The following SOX6 variants were observed in gnomAD, a reference collection of about 807,000 sequenced individuals.
SOX6 encodes transcription factor SOX-6.
In SOX6, 11 loss-of-function variants were observed where a neutral mutation model predicts 97.8. That is an observed-to-expected ratio of 0.11 (90% CI 0.07 to 0.19). The LOEUF (loss-of-function observed/expected upper bound fraction) is 0.19. SOX6 is among the 10% of genes least tolerant of loss of function. The pLI is 1.00. For missense variants in SOX6, 810 were observed against 1,039.5 expected (o/e 0.78, Z 3.04); for synonymous variants, 360 against 371.4 (o/e 0.97, Z 0.35).
chr11:15,976,729 G>A (rs186663023), intron 15 of SOX6, among the ~76,000 whole-genome samples: 1 of 152,224 alleles, frequency 6.6e-6, no homozygotes, highest in African/African-American at 2.4e-5. Context: ...TCTAAGAAAT[G>A]TTTAAAAAGA....
chr11:16,372,831 A>G (rs902172348), intron 1 of SOX6, among the ~76,000 whole-genome samples: 1 of 152,106 alleles, frequency 6.6e-6, no homozygotes, highest in African/African-American at 2.4e-5. Flanking sequence ...AGATCCTTAG[A>G]AAAAAAGTAA....
At chr11:16,405,729 T>G (rs1858671156) in intron 1 of SOX6, among the ~76,000 whole-genome samples, 1 of 152,014 alleles carries the variant, frequency 6.6e-6, no homozygotes, top group Non-Finnish European at 1.5e-5. Context: ...ATCCTATCCC[T>G]CTCCCCTCTG....
rs1163588778 is a variant in SOX6, at chr11:16,186,852, T to C, written c.639A>G (p.Lys213=). The change falls in exon 5 of 16, where the codon AAA becomes AAG. Residue 213 remains lysine (K), a synonymous_variant. Coordinates refer to ENST00000683767, the MANE Select transcript of SOX6 (RefSeq NM_001367873.1). ...TCTCAATTTGTGACGCTGCCAGTTT[T>C]TTCTGTTCATCATGCGCTGCCAGTA... ...EQLLAAHDEQ[K]KLAASQIEKQ... The C allele has an allele frequency of 2.5e-6, 4 of 1,613,826 alleles. No homozygotes were observed. The Admixed American group carries it at 5.0e-5, about 20-fold the overall frequency.
chr11:16,352,587 C>A (rs902446762), intron 1 of SOX6, among the ~76,000 whole-genome samples: 2 of 152,038 alleles, frequency 1.3e-5, no homozygotes, highest in African/African-American at 4.8e-5. Flanking sequence ...AATGCCAGGG[C>A]AGATGCTATT....
chr11:16,301,001 T>C (rs985561756), intron 3 of SOX6, among the ~76,000 whole-genome samples: 3 of 152,176 alleles, frequency 2.0e-5, no homozygotes, highest in African/African-American at 7.2e-5. Context: ...CCTTTTCTTT[T>C]TTCCCTCATC....
chr11:16,360,828 C>G (rs927495955), upstream of SOX6, among the ~76,000 whole-genome samples: 3 of 151,940 alleles, frequency 2.0e-5, no homozygotes, highest in African/African-American at 7.3e-5. Context: ...ATGGTGAAAC[C>G]CCGTCTCTAC....
At chr11:16,647,756 A>G (rs1438358225) in intron 3 of SOX6, among the ~76,000 whole-genome samples, 3 of 152,220 alleles carry the variant, frequency 2.0e-5, no homozygotes, top group African/African-American at 7.2e-5. Flanking sequence ...TTCAAATCAC[A>G]GGAGAAGGAC....
At chr11:16,440,856 C>T (rs1048006977) in intron 1 of SOX6, among the ~76,000 whole-genome samples, 2 of 152,112 alleles carry the variant, frequency 1.3e-5, no homozygotes, top group Admixed American at 6.5e-5. Flanking sequence ...TTTCCTGCTC[C>T]ATCCTGAAAA....
intron 4 of SOX6, among the ~76,000 whole-genome samples, chr11:16,211,729 T>A (rs1852239338): frequency 6.6e-6 from 1 of 152,130 alleles, no homozygotes; most frequent in African/African-American, 2.4e-5. Context: ...CTCCACAGTG[T>A]CTCACATTGG....
chr11:16,119,774 C>G (rs1849443166), intron 6 of SOX6, among the ~76,000 whole-genome samples: 1 of 152,136 alleles, frequency 6.6e-6, no homozygotes, highest in Non-Finnish European at 1.5e-5. Flanking sequence ...GAACTTAAAA[C>G]TGACTTTTAA....
intron 1 of SOX6, among the ~76,000 whole-genome samples, chr11:16,405,821 A>C (rs1023238433): frequency 6.6e-6 from 1 of 152,000 alleles, no homozygotes; most frequent in African/African-American, 2.4e-5. Context: ...ACTGATTTTT[A>C]CACCATGTTG....
chr11:16,564,292 T>C (rs1347109706), intron 4 of SOX6, among the ~76,000 whole-genome samples: 1 of 152,144 alleles, frequency 6.6e-6, no homozygotes, highest in Non-Finnish European at 1.5e-5. Context: ...TAAATGTATG[T>C]AGAGAAAACA....
intron 3 of SOX6, among the ~76,000 whole-genome samples, chr11:16,642,315 G>A (rs183535407): frequency 6.6e-6 from 1 of 151,362 alleles, no homozygotes; most frequent in African/African-American, 2.4e-5. Flanking sequence ...GGTAACCCAG[G>A]GTAACCCAGC....
chr11:16,644,430 C>G (rs1012526555), intron 3 of SOX6, among the ~76,000 whole-genome samples: 5 of 152,142 alleles, frequency 3.3e-5, no homozygotes, highest in African/African-American at 4.8e-5. Context: ...GTGAGACAAC[C>G]CTATTATAGC....
chr11:16,174,539 C>A (rs1466989824), intron 6 of SOX6, among the ~76,000 whole-genome samples: 1 of 151,826 alleles, frequency 6.6e-6, no homozygotes, highest in Non-Finnish European at 1.5e-5. Context: ...TATGTCAGTA[C>A]ATCCCCTCAG....
At chr11:16,708,938 A>T (rs1485732462) in intron 3 of SOX6, among the ~76,000 whole-genome samples, 1 of 152,180 alleles carries the variant, frequency 6.6e-6, no homozygotes, top group African/African-American at 2.4e-5. Flanking sequence ...ACTCAACACA[A>T]CTTCTAGTCA....
chr11:16,132,425 GAAAGAAAGAAAGAAAGA>G lies in SOX6; in HGVS notation c.778-20519_778-20503del, dbSNP rs1849818052. ...AAAAAGAAAGAAAGAAAGAAAGAAA[GAAAGAAAGAAAGAAAGA>G]AAAAAGAAAGAAAGAAAGAAAGAAA... is the stretch of plus-strand genomic sequence containing the variant. On this transcript the variant is annotated intron_variant, in intron 6 of 15. Transcript: ENST00000683767. Among the ~76,000 whole-genome samples the G allele has an allele frequency of 7.6e-5, 7 of 91,924 alleles. 1 individual carries two copies. The highest frequency in any genetic ancestry group is 3.5e-4 in the African/African-American group (7 of 20,154). 60.3% of individuals were successfully genotyped at this position (91,924 alleles called of 152,430 possible).
At chr11:16,628,244 T>C (rs537953813) in intron 3 of SOX6, among the ~76,000 whole-genome samples, 2 of 152,192 alleles carry the variant, frequency 1.3e-5, no homozygotes, top group Admixed American at 6.5e-5. Context: ...TCCAGCTTTG[T>C]TCTTTTTTCT....
chr11:16,268,953 C>T (rs142507543), intron 3 of SOX6, among the ~76,000 whole-genome samples: 2 of 150,272 alleles, frequency 1.3e-5, no homozygotes, highest in African/African-American at 4.9e-5. Flanking sequence ...ATCTAGCATG[C>T]TTTTCCTTTA....
Sources: gnomAD v4.1 joint callset for allele counts (sites outside exome capture counted in the v4.1 genomes callset) on GRCh38, gnomAD v4.1.1 for gene constraint, MANE v1.5 for transcripts, NCBI Gene and HGNC (gene_info 2026-07-23, HGNC 2026-07-21) for gene names.